EDAR: variants seen among roughly 807,000 people sequenced by gnomAD.
EDAR encodes the protein tumor necrosis factor receptor superfamily member EDAR.
Under a neutral mutation model 51.3 loss-of-function variants are expected in EDAR, and 38 were observed. The ratio of observed to expected loss-of-function variants is 0.74; its 90% CI spans 0.57 to 0.97. EDAR has a LOEUF of 0.97. EDAR is among the 50% of genes least tolerant of loss of function. The pLI is 0.00. For missense variants in EDAR, 528 were observed against 595.0 expected, an observed-to-expected ratio of 0.89 and a Z score of 1.17; for synonymous variants, 227 against 242.1, an observed-to-expected ratio of 0.94 and a Z score of 0.58.
intron 1 of EDAR, among the ~76,000 whole-genome samples, chr2:108,944,734 C>A (rs1697681849): frequency 6.6e-6 from 1 of 152,176 alleles, no homozygotes; most frequent in South Asian, 2.1e-4. Flanking sequence ...CCCCACCGTG[C>A]AGAGGAGGGA....
intron 1 of EDAR, among the ~76,000 whole-genome samples, chr2:108,955,569 G>A (rs1290854974): frequency 6.6e-6 from 1 of 151,860 alleles, no homozygotes; most frequent in African/African-American, 2.4e-5. Context: ...CCAACATGGT[G>A]TGGTGGCACT....
chr2:108,898,510 A>G (rs1696641898), intron 11 of EDAR, among the ~76,000 whole-genome samples: 1 of 152,202 alleles, frequency 6.6e-6, no homozygotes, highest in African/African-American at 2.4e-5. Flanking sequence ...CCAGAGTTTC[A>G]TATCAGGACA....
chr2:108,898,009 G>A (rs142508015), intron 11 of EDAR, among the ~76,000 whole-genome samples: 88 of 152,134 alleles, frequency 5.8e-4, no homozygotes, highest in African/African-American at 1.7e-3. Context: ...CCAAAAATCT[G>A]GAAATAATAG....
At chr2:108,983,537 C>T (rs1558847441) in intron 1 of EDAR, among the ~76,000 whole-genome samples, 1 of 152,194 alleles carries the variant, frequency 6.6e-6, no homozygotes, top group Non-Finnish European at 1.5e-5. Flanking sequence ...AGACCCCAAC[C>T]AGACATCAAG....
At chr2:108,925,391 A>T (rs1177685751) in intron 4 of EDAR, among the ~76,000 whole-genome samples, 1 of 152,230 alleles carries the variant, frequency 6.6e-6, no homozygotes, top group Non-Finnish European at 1.5e-5. Flanking sequence ...CTCCAAGGCT[A>T]CACGGCGGAT....
intron 1 of EDAR, among the ~76,000 whole-genome samples, chr2:108,961,865 T>A (rs961785438): frequency 1.8e-4 from 27 of 152,296 alleles, no homozygotes; most frequent in African/African-American, 6.5e-4. Flanking sequence ...TGGAAATGAA[T>A]GGAAGCAGTG....
chr2:108,982,228 T>C (rs1317058764), intron 1 of EDAR, among the ~76,000 whole-genome samples: 4 of 152,332 alleles, frequency 2.6e-5, no homozygotes, highest in Non-Finnish European at 4.4e-5. Context: ...AACAAAGAAA[T>C]GTTCCAGGGT....
At chr2:108,898,628 A>G (rs1460437634) in intron 11 of EDAR, among the ~76,000 whole-genome samples, 1 of 152,258 alleles carries the variant, frequency 6.6e-6, no homozygotes, top group Non-Finnish European at 1.5e-5. Flanking sequence ...GAGATGACAG[A>G]TGTTAGATAA....
At chr2:108,980,447 C>T (rs1189562050) in intron 1 of EDAR, among the ~76,000 whole-genome samples, 1 of 151,926 alleles carries the variant, frequency 6.6e-6, no homozygotes, top group Non-Finnish European at 1.5e-5. Flanking sequence ...TATTACTCAC[C>T]AAGTTCTAGG....
intron 1 of EDAR, among the ~76,000 whole-genome samples, chr2:108,935,789 G>A (rs765014191): frequency 7.2e-5 from 11 of 152,166 alleles, no homozygotes; most frequent in African/African-American, 2.4e-4. Context: ...AGACAGATAG[G>A]GTCCCTGCTC....
In EDAR at chr2:108,938,890, C is replaced by G. The variant is rs111797433; in HGVS notation, c.-18-7858G>C. Among the ~76,000 whole-genome samples the G allele has an allele frequency of 1.7e-3, 252 of 148,700 alleles. 1 individual carries two copies. Among genetic ancestry groups the G allele is most frequent in the African/African-American group, 5.9e-3 (237 of 40,462 alleles). On this transcript the variant is annotated intron_variant, in intron 1 of 11. Coordinates refer to ENST00000258443, the MANE Select transcript of EDAR (RefSeq NM_022336.4). ...CACCTCCTGGGTTCAAGCAATTCTC[C>G]TGCCTCAGCCTCTCGAGTAGCTGCG...
intron 2 of EDAR, among the ~76,000 whole-genome samples, chr2:108,930,648 C>T (rs913310641): frequency 6.6e-6 from 1 of 152,152 alleles, no homozygotes; most frequent in African/African-American, 2.4e-5. Context: ...TCTTCCAAGT[C>T]TTTCTTAGCT....
intron 10 of EDAR, among the ~76,000 whole-genome samples, chr2:108,906,707 C>T (rs918271005): frequency 2.6e-5 from 4 of 152,258 alleles, no homozygotes; most frequent in Non-Finnish European, 5.9e-5. Context: ...GCAGCAGAGC[C>T]GTGCGGGGCT....
At chr2:108,929,997 G>A (rs759204193) in intron 3 of EDAR, 123 bp downstream of exon 3, 10 of 1,232,354 alleles carry the variant, frequency 8.1e-6, no homozygotes, top group Admixed American at 2.5e-5. Context: ...CAGGGAGCGT[G>A]ACCGGCTGGT....
chr2:108,919,784 G>A (rs1280805677), intron 5 of EDAR, among the ~76,000 whole-genome samples: 2 of 152,000 alleles, frequency 1.3e-5, no homozygotes, highest in Non-Finnish European at 2.9e-5. Context: ...TGGGGCACCT[G>A]CCCTCTCCCC....
At chr2:108,925,051 A>C (rs1038032607) in intron 4 of EDAR, among the ~76,000 whole-genome samples, 3 of 150,666 alleles carry the variant, frequency 2.0e-5, no homozygotes, top group Non-Finnish European at 4.4e-5. Context: ...TTCTCACTCT[A>C]CCTCCACGCA....
At chr2:108,986,008 C>A (rs1698491468) in intron 1 of EDAR, among the ~76,000 whole-genome samples, 1 of 152,124 alleles carries the variant, frequency 6.6e-6, no homozygotes, top group South Asian at 2.1e-4. Context: ...CAGGGCAAAG[C>A]TTTTTTCATA....
intron 1 of EDAR, among the ~76,000 whole-genome samples, chr2:108,963,498 C>A: frequency 6.6e-6 from 1 of 152,122 alleles, no homozygotes; most frequent in East Asian, 1.9e-4. Context: ...GATCCCATGT[C>A]CCCGTTACCC....
At chr2:108,916,011 C>T (rs1458703245) in intron 5 of EDAR, among the ~76,000 whole-genome samples, 2 of 152,206 alleles carry the variant, frequency 1.3e-5, no homozygotes, top group Non-Finnish European at 2.9e-5. Flanking sequence ...CCTCACAGAC[C>T]TTACTGAAGT....
Sources: gnomAD v4.1 joint callset for allele counts (sites outside exome capture counted in the v4.1 genomes callset) on GRCh38, gnomAD v4.1.1 for gene constraint, MANE v1.5 for transcripts, NCBI Gene and HGNC (gene_info 2026-07-23, HGNC 2026-07-21) for gene names.